The following GALNT18 variants were observed in gnomAD, a reference collection of about 807,000 sequenced individuals.
GALNT18 encodes the protein GalNAc-transferase 18.
GALNT18 carries 44 observed loss-of-function variants against 69.5 expected under a neutral mutation model. That is an observed-to-expected ratio of 0.63 (90% CI 0.50 to 0.81). GALNT18 has a LOEUF of 0.81. Ranked by LOEUF, GALNT18 falls within the 40% of genes least tolerant of loss-of-function variation. The probability of loss-of-function intolerance (pLI) is 0.00; values close to 1 mark genes in which losing one functional copy is unlikely to be tolerated. For synonymous variants in GALNT18, 364 were observed against 318.2 expected, an observed-to-expected ratio of 1.14 and a Z score of -1.53; for missense variants, 715 against 810.0, an observed-to-expected ratio of 0.88 and a Z score of 1.42.
rs74505494 is a variant in GALNT18 at position 11,617,019 on chromosome 11, C to T, written c.235+4340G>A. ...TTAGGCTACTACACTGAGACTGCTTCATAAGCACCTTTAAGTTTCCAATGA... is the reference window on the plus strand; with the variant it reads ...TTAGGCTACTACACTGAGACTGCTTTATAAGCACCTTTAAGTTTCCAATGA... On this transcript the variant is annotated intron_variant, in intron 1 of 10. Transcript: ENST00000227756. The surrounding 1 kb of genome is among the most constrained non-coding windows in gnomAD (Gnocchi z 4.7). Among the ~76,000 whole-genome samples the T allele has an allele frequency of 7.0e-3, 1,071 of 152,262 alleles. 9 individuals are homozygous for T. The highest frequency in any genetic ancestry group is 0.021 in the African/African-American group (893 of 41,546).
At chr11:11,285,536 C>T (rs1207611514) in intron 10 of GALNT18, among the ~76,000 whole-genome samples, 1 of 152,148 alleles carries the variant, frequency 6.6e-6, no homozygotes, top group Admixed American at 6.5e-5. Context: ...GAGGGAAGTG[C>T]TGACTTCCAT....
At chr11:11,274,122 G>A (rs985722953) in intron 10 of GALNT18, among the ~76,000 whole-genome samples, 2 of 152,142 alleles carry the variant, frequency 1.3e-5, no homozygotes, top group African/African-American at 4.8e-5. Flanking sequence ...AGCTGTGAGA[G>A]AGTGTACCGG....
At position 11,352,687 on chromosome 11, in the gene GALNT18, C is replaced by T. The variant is rs748874398; in HGVS notation, c.1093-11683G>A. ...ATAATTCCCATGCTGTGACAATAAT[C>T]CAGGGCCTTCAGAATCTCATACATG... On this transcript the variant is annotated intron_variant, in intron 6 of 10. Coordinates refer to ENST00000227756, the MANE Select transcript of GALNT18 (RefSeq NM_198516.3). 2.5e-6 allele frequency: 4 copies of T among 1,614,090 alleles called. No homozygotes were observed. In the South Asian group the frequency reaches 3.3e-5, roughly 13 times the overall value.
At chr11:11,359,863 G>C (rs575565707) in intron 6 of GALNT18, among the ~76,000 whole-genome samples, 1 of 152,164 alleles carries the variant, frequency 6.6e-6, no homozygotes, top group Non-Finnish European at 1.5e-5. Flanking sequence ...ATCTTGAGTG[G>C]TCCTGGGTAA....
chr11:11,525,155 G>A (rs1489094891), intron 1 of GALNT18, among the ~76,000 whole-genome samples: 2 of 152,156 alleles, frequency 1.3e-5, no homozygotes, highest in African/African-American at 4.8e-5. Flanking sequence ...AATATAGACA[G>A]GGTGGGGAGG....
At chr11:11,516,259 T>A (rs990290815) in intron 1 of GALNT18, among the ~76,000 whole-genome samples, 6 of 152,100 alleles carry the variant, frequency 3.9e-5, no homozygotes, top group African/African-American at 1.4e-4. Context: ...CAAAGGAATT[T>A]CTCCCAAATA....
At chr11:11,607,804 G>A (rs971236484) in intron 1 of GALNT18, among the ~76,000 whole-genome samples, 3 of 152,178 alleles carry the variant, frequency 2.0e-5, no homozygotes, top group African/African-American at 7.2e-5. Flanking sequence ...CAAGGAGCTA[G>A]GAAATGAGAC....
intron 7 of GALNT18, among the ~76,000 whole-genome samples, chr11:11,336,198 AGACT>A (rs1322872185): frequency 6.6e-6 from 1 of 152,226 alleles, no homozygotes; most frequent in Non-Finnish European, 1.5e-5. Context: ...GTTTTGCTGC[AGACT>A]GACTTTCTGT....
At chr11:11,431,499 C>A (rs1855263555) in intron 3 of GALNT18, among the ~76,000 whole-genome samples, 1 of 152,176 alleles carries the variant, frequency 6.6e-6, no homozygotes. Context: ...ATGCCTTTTC[C>A]TTTCTTCATG....
chr11:11,302,587 C>T (rs544356262), intron 9 of GALNT18, among the ~76,000 whole-genome samples: 4 of 152,308 alleles, frequency 2.6e-5, no homozygotes, highest in African/African-American at 4.8e-5. Context: ...AGCAGAAACA[C>T]GCTGCCATGG....
At position 11,435,793 on chromosome 11, in the gene GALNT18, T is replaced by A. The variant is rs1482901747; in HGVS notation, c.429-3006A>T. ...TGGAAGGAGAGTCAGGTCCCGGTCC[T>A]CCCGCCGACCAGCAGGCTCCTGTTC... On this transcript the variant is annotated intron_variant, in intron 2 of 10. Transcript: ENST00000227756. The surrounding 1 kb of genome is among the most constrained non-coding windows in gnomAD (Gnocchi z 4.4). Among the ~76,000 whole-genome samples the A allele has an allele frequency of 3.3e-5, 5 of 152,118 alleles. No individual in the cohort carries two copies. The highest frequency in any genetic ancestry group is 2.0e-4 in the Admixed American group (3 of 15,278).
intron 1 of GALNT18, among the ~76,000 whole-genome samples, chr11:11,471,811 A>G (rs1856276792): frequency 6.6e-6 from 1 of 152,230 alleles, no homozygotes; most frequent in Non-Finnish European, 1.5e-5. Flanking sequence ...GTGGGGCCAT[A>G]AGTCAGTCCC....
At chr11:11,455,298 A>G (rs12222290) in intron 1 of GALNT18, among the ~76,000 whole-genome samples, 87,162 of 152,098 alleles carry the variant, frequency 0.57, 25,925 homozygotes, top group East Asian at 0.84. Flanking sequence ...GAGCAAATAT[A>G]TAGAGAATGT....
rs139072258 is a variant in GALNT18, at chr11:11,349,714, G to A, written c.1093-8710C>T. ...AACCAGAGCTAGGCTTTAGTTCTGC[G>A]TTATCCTCAGTGCACTTTACTTGGT... On this transcript the variant is annotated intron_variant, in intron 6 of 10. Coordinates refer to ENST00000227756, the MANE Select transcript of GALNT18 (RefSeq NM_198516.3). Among the ~76,000 whole-genome samples, 307 of 152,266 alleles carry A rather than the reference G, an allele frequency of 2.0e-3. 2 individuals carry two copies. The highest frequency in any genetic ancestry group is 1.0e-3 in the African/African-American group (42 of 41,566).
At chr11:11,292,688 G>A (rs1849323491) in intron 10 of GALNT18, among the ~76,000 whole-genome samples, 1 of 152,138 alleles carries the variant, frequency 6.6e-6, no homozygotes, top group Non-Finnish European at 1.5e-5. Flanking sequence ...CCCTGCCCCA[G>A]CTGTGAGACT....
chr11:11,313,711 C>T (rs1185827527), intron 9 of GALNT18, among the ~76,000 whole-genome samples: 1 of 152,114 alleles, frequency 6.6e-6, no homozygotes, highest in Non-Finnish European at 1.5e-5. Context: ...CCAGGTTCTA[C>T]CACTCGGTAA....
rs1856489043 is a variant in GALNT18 at position 11,480,022 on chromosome 11, G to A, written c.236-31086C>T. Among the ~76,000 whole-genome samples the A allele has an allele frequency of 6.6e-6, 1 of 152,158 alleles. No individual in the cohort carries two copies. Among genetic ancestry groups the A allele is most frequent in the Admixed American group, 6.5e-5 (1 of 15,276 alleles). ...GCTGCTACCCCAAGCCCCACCAGGA[G>A]GCTAGAGAAGAGAGATGGGAGAGTT... On this transcript the variant is annotated intron_variant, in intron 1 of 10. Transcript: ENST00000227756. The surrounding 1 kb of genome is among the most constrained non-coding windows in gnomAD (Gnocchi z 4.6).
rs962365248 is a variant in GALNT18, at chr11:11,523,320, G to A, written c.236-74384C>T. 6.6e-6 allele frequency among the ~76,000 whole-genome samples: 1 copy of A among 152,154 alleles called. No individual in the cohort carries two copies. Among genetic ancestry groups the A allele is most frequent in the Admixed American group, 6.5e-5 (1 of 15,282 alleles). On this transcript the variant is annotated intron_variant, in intron 1 of 10. Coordinates refer to ENST00000227756, the MANE Select transcript of GALNT18 (RefSeq NM_198516.3). The surrounding 1 kb of genome is among the most constrained non-coding windows in gnomAD (Gnocchi z 4.3). Reference sequence around the variant, plus strand: ...GGCAAATCTTGTCACTCTCACAGGTGAGGACAATGTCACAGGTGAGGAAAT... The same window carrying A: ...GGCAAATCTTGTCACTCTCACAGGTAAGGACAATGTCACAGGTGAGGAAAT...
rs1849721572 is a variant in GALNT18, at chr11:11,314,668, TCTGGGTGGC to T, written c.1512+12409_1512+12417del. Among the ~76,000 whole-genome samples, 1 of 152,186 alleles carries T rather than the reference TCTGGGTGGC, an allele frequency of 6.6e-6. No individual in the cohort carries two copies. The highest frequency in any genetic ancestry group is 1.5e-5 in the Non-Finnish European group (1 of 68,024). Reference sequence around the variant, plus strand: ...CCTCACCCAGAGAATGGGCACCAGCTCTGGGTGGCCTGAGAATCAGGGATAACTGCAGGC... The same window carrying T: ...CCTCACCCAGAGAATGGGCACCAGCTCTGAGAATCAGGGATAACTGCAGGC... On this transcript the variant is annotated intron_variant, in intron 9 of 10. Coordinates refer to ENST00000227756, the MANE Select transcript of GALNT18 (RefSeq NM_198516.3). This position sits in a 1 kb window ranked among gnomAD's most constrained non-coding sequence, Gnocchi z 5.2.
Sources: allele counts gnomAD v4.1 joint callset (sites outside exome capture counted in the v4.1 genomes callset), GRCh38; gene constraint gnomAD v4.1.1; non-coding constraint Gnocchi (gnomAD v3.1); transcripts MANE v1.5; gene names NCBI Gene and HGNC (gene_info 2026-07-23, HGNC 2026-07-21).